ZNF454: variants seen among roughly 807,000 people sequenced by gnomAD.
The protein encoded by ZNF454 is zinc finger protein 454.
ZNF454 carries 30 observed loss-of-function variants against 48.2 expected under a neutral mutation model. The observed-to-expected ratio is 0.62, with a 90% confidence interval of 0.47 to 0.84. The LOEUF (loss-of-function observed/expected upper bound fraction) is 0.84. Ranked by LOEUF, ZNF454 falls within the 40% of genes least tolerant of loss-of-function variation. ZNF454 has a pLI of 0.00. For missense variants in ZNF454, 510 were observed against 623.1 expected (o/e 0.82, Z 1.93); for synonymous variants, 204 against 211.4 (o/e 0.97, Z 0.30).
At chr5:178,953,142 G>A (rs148016702) in intron 4 of ZNF454, among the ~76,000 whole-genome samples, 1 of 135,730 alleles carries the variant, frequency 7.4e-6, no homozygotes, top group African/African-American at 2.7e-5. Context: ...TTTTAGACAT[G>A]TATTGAATTC....
intron 4 of ZNF454, among the ~76,000 whole-genome samples, chr5:178,959,201 C>T (rs1217143548): frequency 6.6e-6 from 1 of 152,092 alleles, no homozygotes; most frequent in African/African-American, 2.4e-5. Flanking sequence ...CCAGTTGACC[C>T]AGGATCACTT....
the ZNF454 span, chr5:178,989,832 A>C: frequency 3.3e-6 from 1 of 302,376 alleles, no homozygotes; most frequent in South Asian, 3.3e-5. Context: ...CAAGGCAACC[A>C]CAGGGAATGG....
chr5:178,956,728 C>T (rs552223409), intron 4 of ZNF454, among the ~76,000 whole-genome samples: 47 of 150,176 alleles, frequency 3.1e-4, no homozygotes, highest in African/African-American at 7.8e-4. Flanking sequence ...TATTTTGAGA[C>T]GGAGTCTCTC....
Position 178,942,780 on chromosome 5 carries a change from G to A in ZNF454, c.-12G>A, listed in dbSNP as rs200585497. 48 of 1,613,846 alleles carry A rather than the reference G, an allele frequency of 3.0e-5. No individual in the cohort carries two copies. The highest frequency in any genetic ancestry group is 2.3e-4 in the Admixed American group (14 of 59,996). ...TTGCCTGTCCCTAAGAGGGCTCATC[G>A]GAGAAGAAAGAATGGCTGTCAGCCA... On this transcript the variant is annotated 5_prime_UTR_variant, in exon 2 of 5. Coordinates refer to ENST00000519564, the MANE Select transcript of ZNF454 (RefSeq NM_001178089.3).
In ZNF454 at chr5:178,965,106, C is replaced by T; in HGVS notation, c.702C>T (p.His234=). The change falls in exon 5 of 5, where the codon CAC becomes CAT. Residue 234 remains histidine, a synonymous_variant. Coordinates refer to ENST00000519564, the MANE Select transcript of ZNF454 (RefSeq NM_001178089.3). This position sits in a 1 kb window ranked among gnomAD's most constrained non-coding sequence, Gnocchi z 5.2. ...AFHQSTHLIH[H]QRIHTGEKPY... The stretch of plus-strand genomic sequence containing the variant: ...ACCAGAGTACGCACCTTATCCATCA[C>T]CAAAGAATTCACACTGGCGAGAAAC... The T allele has an allele frequency of 1.9e-6, 3 of 1,614,100 alleles. No individual in the cohort carries two copies. The highest frequency in any genetic ancestry group is 2.2e-5 in the South Asian group (2 of 91,072).
At chr5:178,984,199 T>C in the ZNF454 span, among the ~76,000 whole-genome samples, 4 of 150,368 alleles carry the variant, frequency 2.7e-5, no homozygotes, top group East Asian at 3.9e-4. Flanking sequence ...AAGTTGCTCA[T>C]GAGAAACAAA....
chr5:178,958,402 CTTG>C (rs1244618655), intron 4 of ZNF454, among the ~76,000 whole-genome samples: 11 of 152,184 alleles, frequency 7.2e-5, no homozygotes, highest in Non-Finnish European at 1.5e-4. Flanking sequence ...GAGATTCATC[CTTG>C]TTGTCACTTG....
chr5:178,988,150 GA>G, the ZNF454 span, among the ~76,000 whole-genome samples: 1 of 152,082 alleles, frequency 6.6e-6, no homozygotes, highest in African/African-American at 2.4e-5. This position sits in a 1 kb window ranked among gnomAD's most constrained non-coding sequence, Gnocchi z 6.0. Context: ...AATTAAAAAT[GA>G]AAAAAGTTTC....
At chr5:178,989,292 A>G in the ZNF454 span, 3 of 1,596,606 alleles carry the variant, frequency 1.9e-6, no homozygotes, top group Non-Finnish European at 2.6e-6. Context: ...GAATCGTCTG[A>G]CTGGGTACCT....
At chr5:178,957,533 C>T (rs1210117098) in intron 4 of ZNF454, among the ~76,000 whole-genome samples, 1 of 152,054 alleles carries the variant, frequency 6.6e-6, no homozygotes, top group Non-Finnish European at 1.5e-5. Context: ...CCTCAGCCTC[C>T]CGAGTAGCTG....
the ZNF454 span, chr5:178,982,845 A>G: frequency 2.6e-6 from 3 of 1,140,226 alleles, no homozygotes; most frequent in Admixed American, 3.4e-5. Context: ...ATTTAATCTC[A>G]TGAATGAATC....
Position 178,946,826 on chromosome 5 carries a change from T to C in ZNF454, c.161-71T>C. On this transcript the variant is annotated intron_variant, in intron 3 of 4. Transcript: ENST00000519564. The surrounding 1 kb of genome is among the most constrained non-coding windows in gnomAD (Gnocchi z 4.5). ...TCCCAGCAAGCTCTGAGGACCAGGC[T>C]TTGTCTTTGCAGTGATTTTTATCTC... is the stretch of plus-strand genomic sequence containing the variant. The C allele has an allele frequency of 1.4e-6, 2 of 1,411,126 alleles. No individual in the cohort carries two copies. The highest frequency in any genetic ancestry group is 2.0e-6 in the Non-Finnish European group (2 of 1,006,740). 87.4% of individuals were successfully genotyped at this position (1,411,126 alleles called of 1,614,324 possible).
At chr5:178,979,107 T>C in the ZNF454 span, 1 of 152,158 alleles carries the variant, frequency 6.6e-6, no homozygotes, top group East Asian at 1.9e-4. Context: ...AAACATTAGC[T>C]GGGTATGGTC....
intron 4 of ZNF454, among the ~76,000 whole-genome samples, chr5:178,952,560 A>C (rs1759602319): frequency 6.6e-6 from 1 of 152,152 alleles, no homozygotes; most frequent in East Asian, 1.9e-4. Flanking sequence ...TACCTGAGGA[A>C]GTAAAATCTA....
intron 4 of ZNF454, 126 bp downstream of exon 4, chr5:178,947,112 G>A (rs1759370690): frequency 4.0e-6 from 3 of 758,674 alleles, no homozygotes; most frequent in South Asian, 1.7e-5. Flanking sequence ...TTTCACATTC[G>A]TTCACCTGAA....
chr5:178,952,093 T>A (rs1458458123), intron 4 of ZNF454, among the ~76,000 whole-genome samples: 7 of 151,292 alleles, frequency 4.6e-5, no homozygotes, highest in African/African-American at 1.2e-4. Flanking sequence ...GCGGGAGTGC[T>A]GTGGCGCGAT....
chr5:178,949,071 T>A (rs886368125), intron 4 of ZNF454, among the ~76,000 whole-genome samples: 2 of 151,458 alleles, frequency 1.3e-5, no homozygotes, highest in African/African-American at 4.9e-5. Flanking sequence ...TTTATTTGAG[T>A]TGGAGTCTCA....
At chr5:178,986,699 T>C in the ZNF454 span, 2 of 1,604,716 alleles carry the variant, frequency 1.2e-6, no homozygotes, top group Non-Finnish European at 8.5e-7. Flanking sequence ...CAGGGCAGGC[T>C]GCACAGAGAC....
chr5:178,986,492 G>A, the ZNF454 span: 2 of 1,610,386 alleles, frequency 1.2e-6, no homozygotes, highest in Non-Finnish European at 8.5e-7. Context: ...AGGAGCGGCG[G>A]GGCTGCCCAG....
Sources: allele counts gnomAD v4.1 joint callset (sites outside exome capture counted in the v4.1 genomes callset), GRCh38; gene constraint gnomAD v4.1.1; non-coding constraint Gnocchi (gnomAD v3.1); transcripts MANE v1.5; gene names NCBI Gene and HGNC (gene_info 2026-07-23, HGNC 2026-07-21).